The following SLC38A7 variants were observed in gnomAD, a reference collection of about 807,000 sequenced individuals.
SLC38A7 encodes the protein sodium-coupled neutral amino acid transporter 7.
A neutral mutation model predicts 50.1 loss-of-function variants in SLC38A7; 29 were observed. That is an observed-to-expected ratio of 0.58 (90% CI 0.43 to 0.79). The LOEUF is 0.79. Among genes scored for constraint, SLC38A7 ranks in the 30% least tolerant of loss-of-function variants. The probability of loss-of-function intolerance (pLI) is 0.00; values close to 1 mark genes in which losing one functional copy is unlikely to be tolerated. For missense variants in SLC38A7, 483 were observed against 610.6 expected (o/e 0.79, Z 2.20); for synonymous variants, 244 against 245.9 (o/e 0.99, Z 0.07).
intron 11 of SLC38A7, among the ~76,000 whole-genome samples, chr16:58,667,894 G>A (rs899042644): frequency 5.9e-5 from 9 of 152,350 alleles, no homozygotes; most frequent in Middle Eastern, 3.4e-3. Flanking sequence ...TTCCGGCCGG[G>A]TGTGGTGGCT....
At chr16:58,672,763 G>A (rs532684256) in intron 8 of SLC38A7, among the ~76,000 whole-genome samples, 1 of 152,002 alleles carries the variant, frequency 6.6e-6, no homozygotes, top group African/African-American at 2.4e-5. Flanking sequence ...TCTCCCACCT[G>A]AGCCTCCCAG....
At position 58,670,081 on chromosome 16, in the gene SLC38A7, C is replaced by T. The variant is rs769501119; in HGVS notation, c.1286+32G>A. On this transcript the variant is annotated intron_variant, in intron 11 of 11. Transcript: ENST00000219320. ...AGCCACATTCCAATCCAGCACCTCC[C>T]TGAGAGGATCAAGGGCTGGGTCCTG... is the stretch of plus-strand genomic sequence containing the variant. The T allele has an allele frequency of 3.1e-6, 5 of 1,612,352 alleles. No homozygotes were observed. In the South Asian group the frequency reaches 4.4e-5, roughly 14 times the overall value.
In SLC38A7 at chr16:58,667,421, G is replaced by A. The variant is rs1358827710; in HGVS notation, c.1353C>T (p.Thr451=). 2 of 1,613,940 alleles carry A rather than the reference G, an allele frequency of 1.2e-6. No homozygotes were observed. Among genetic ancestry groups the A allele is most frequent in the Non-Finnish European group, 1.7e-6 (2 of 1,180,048 alleles). Residue 451 remains threonine (T), a synonymous_variant, in exon 12 of 12, where the codon ACC becomes ACT. Transcript: ENST00000219320. The stretch of plus-strand genomic sequence containing the variant: ...GATCCACAAAGATGGCGTTGGCTGT[G>A]GTCTGGCCGAAGATGAAGGCTCCCA... The part of the protein sequence containing the change: ...VTLGAFIFGQ[T]TANAIFVDLL...
chr16:58,678,264 C>CTGCTG lies in SLC38A7; in HGVS notation c.611+68_611+69insCAGCA. On this transcript the variant is annotated intron_variant, in intron 5 of 11. Coordinates refer to ENST00000219320, the MANE Select transcript of SLC38A7 (RefSeq NM_018231.3). The surrounding 1 kb of genome is among the most constrained non-coding windows in gnomAD (Gnocchi z 4.0). ...GGTGGCATGGAGGAGCAGGGTTCCC[C>CTGCTG]AGGAGCCCTTGGGTCTACAGCTGCC... The CTGCTG allele has an allele frequency of 6.9e-7, 1 of 1,443,924 alleles. No homozygotes were observed. The highest frequency in any genetic ancestry group is 9.2e-7 in the Non-Finnish European group (1 of 1,092,196). 89.4% of individuals were successfully genotyped at this position (1,443,924 alleles called of 1,614,324 possible). A position where few individuals can be genotyped will look rare whatever the true frequency, so the allele number is the denominator to read the frequency against.
chr16:58,677,191 A>G (rs1384625973), intron 6 of SLC38A7, 135 bp downstream of exon 6: 1 of 698,668 alleles, frequency 1.4e-6, no homozygotes, highest in Non-Finnish European at 2.5e-6. Flanking sequence ...TCCTTCCTAC[A>G]ATGACCAAGT....
chr16:58,678,526 C>G lies in SLC38A7; in HGVS notation c.470-52G>C. ...CAAGCCAGGCCACCATGGGGTGTGG[C>G]CCTCCTGCTCTGCTGGGCCCCAGGA... On this transcript the variant is annotated intron_variant, in intron 4 of 11. Transcript: ENST00000219320. This position sits in a 1 kb window ranked among gnomAD's most constrained non-coding sequence, Gnocchi z 4.0. The G allele has an allele frequency of 1.9e-6, 3 of 1,547,876 alleles. No individual in the cohort carries two copies. Among genetic ancestry groups the G allele is most frequent in the Non-Finnish European group, 1.7e-6 (2 of 1,143,958 alleles).
Position 58,678,621 on chromosome 16 carries a change from G to A in SLC38A7, c.469+75C>T. Reference sequence around the variant, plus strand: ...CAGGTAAGTCCTGGAGAGGTGTTCAGTGCCTTTTCCCTCCACCCCAGGATC... The same window carrying A: ...CAGGTAAGTCCTGGAGAGGTGTTCAATGCCTTTTCCCTCCACCCCAGGATC... On this transcript the variant is annotated intron_variant, in intron 4 of 11. Coordinates refer to ENST00000219320, the MANE Select transcript of SLC38A7 (RefSeq NM_018231.3). The surrounding 1 kb of genome is among the most constrained non-coding windows in gnomAD (Gnocchi z 4.0). 3 of 1,583,750 alleles carry A rather than the reference G, an allele frequency of 1.9e-6. No homozygotes were observed. The highest frequency in any genetic ancestry group is 2.6e-6 in the Non-Finnish European group (3 of 1,159,602).
chr16:58,673,793 C>T (rs919457749), intron 8 of SLC38A7, among the ~76,000 whole-genome samples: 2 of 151,512 alleles, frequency 1.3e-5, no homozygotes, highest in Admixed American at 1.3e-4. Context: ...CCTCCCAAGT[C>T]ACTGGGACTA....
chr16:58,681,346 G>GGTAC (rs2044384569), intron 2 of SLC38A7: 1 of 152,142 alleles, frequency 6.6e-6, no homozygotes, highest in Non-Finnish European at 1.5e-5. Context: ...GGTCCAAGAT[G>GGTAC]GTACCTTGGG....
At chr16:58,667,927 T>C (rs2044074194) in intron 11 of SLC38A7, among the ~76,000 whole-genome samples, 1 of 152,180 alleles carries the variant, frequency 6.6e-6, no homozygotes, top group Admixed American at 6.5e-5. Context: ...CCCAGCACTT[T>C]GGGAGGCCAA....
chr16:58,672,841 C>T (rs9921121), intron 8 of SLC38A7, among the ~76,000 whole-genome samples: 92,181 of 151,784 alleles, frequency 0.61, 29,589 homozygotes, highest in African/African-American at 0.83. Flanking sequence ...GGTCTTGCTA[C>T]GTTTCCCAGT....
intron 8 of SLC38A7, among the ~76,000 whole-genome samples, chr16:58,673,083 A>ATTTTTT (rs34081609): frequency 0.036 from 2,164 of 60,390 alleles, 418 homozygotes; most frequent in African/African-American, 0.19. Context: ...TGCCCGGCTA[A>ATTTTTT]TTTTTTTTTT....
Position 58,680,241 on chromosome 16 carries a change from C to T in SLC38A7, c.-115G>A. 8.2e-7 allele frequency: 1 copy of T among 1,214,720 alleles called. No individual in the cohort carries two copies. The allele number at this position is 1,214,720 out of a possible 1,614,324, so 75.2% of individuals were successfully genotyped here. Reference sequence around the variant, plus strand: ...GCTGTTAGCTTAGGACTCTTCTCAACCTAGATGGGACAAAGGCAGGCACTA... The same window carrying T: ...GCTGTTAGCTTAGGACTCTTCTCAATCTAGATGGGACAAAGGCAGGCACTA... On this transcript the variant is annotated splice_region_variant and 5_prime_UTR_variant, in exon 3 of 12. Transcript: ENST00000219320.
chr16:58,667,334 T>C lies in SLC38A7; in HGVS notation c.*51A>G, dbSNP rs918961779. The C allele has an allele frequency of 2.6e-6, 4 of 1,563,242 alleles. No homozygotes were observed. The highest frequency in any genetic ancestry group is 2.2e-5 in the East Asian group (1 of 44,622). ...AGAATGGCCCCATAGCTCTAAGAGA[T>C]GGGTTCCTGCGACCAATGGCAAAGG... is the stretch of plus-strand genomic sequence containing the variant. On this transcript the variant is annotated 3_prime_UTR_variant, in exon 12 of 12. Transcript: ENST00000219320.
chr16:58,670,900 G>A, intron 10 of SLC38A7, 145 bp downstream of exon 10: 1 of 830,606 alleles, frequency 1.2e-6, no homozygotes, highest in South Asian at 1.6e-5. Flanking sequence ...CTTGGATAGG[G>A]GCTAGTACAG....
At chr16:58,670,559 TG>T (rs2044139260) in intron 10 of SLC38A7, among the ~76,000 whole-genome samples, 1 of 152,224 alleles carries the variant, frequency 6.6e-6, no homozygotes, top group Non-Finnish European at 1.5e-5. Flanking sequence ...AACTCATGGC[TG>T]GGCAGACAGG....
chr16:58,679,412 T>C (rs1245068269), intron 3 of SLC38A7, among the ~76,000 whole-genome samples: 2 of 151,966 alleles, frequency 1.3e-5, no homozygotes, highest in African/African-American at 2.4e-5. Context: ...GTAAAGAGAA[T>C]AGTAAAAAGA....
At chr16:58,672,354 A>G in intron 8 of SLC38A7, 111 bp from the exon 9 acceptor site, 1 of 1,177,596 alleles carries the variant, frequency 8.5e-7, no homozygotes, top group Non-Finnish European at 1.2e-6. Context: ...AGCTCTGGAC[A>G]CTTAGACGGA....
chr16:58,678,439 T>G lies in SLC38A7; in HGVS notation c.505A>C (p.Ser169Arg). The G allele has an allele frequency of 6.3e-7, 1 of 1,578,280 alleles. No homozygotes were observed. Among genetic ancestry groups the G allele is most frequent in the Non-Finnish European group, 8.6e-7 (1 of 1,162,476 alleles). ...TTGCGGTCTGTGTACCAAGGGCCGC[T>G]GGCCCCCTCCGGCTCTTTCGCCATC... ...AVMAKEPEGA[S>R]GPWYTDRKFT... Residue 169 changes from serine (S) to arginine (R), a missense_variant, in exon 5 of 12, where the codon AGC (serine) becomes CGC (arginine). Transcript: ENST00000219320. The surrounding 1 kb of genome is among the most constrained non-coding windows in gnomAD (Gnocchi z 4.0).
Sources: gnomAD v4.1 joint callset for allele counts (sites outside exome capture counted in the v4.1 genomes callset) on GRCh38, gnomAD v4.1.1 for gene constraint, Gnocchi (gnomAD v3.1) non-coding constraint, MANE v1.5 for transcripts, NCBI Gene and HGNC (gene_info 2026-07-23, HGNC 2026-07-21) for gene names.